Variants in DECR1 observed in about 807,000 individuals in gnomAD.
DECR1 encodes the protein 2,4-dienoyl-CoA reductase [(3E)-enoyl-CoA-producing], mitochondrial.
Under a neutral mutation model 38.8 loss-of-function variants are expected in DECR1, and 44 were observed. The observed-to-expected ratio is 1.13, with a 90% CI of 0.89 to 1.46. The LOEUF (loss-of-function observed/expected upper bound fraction) is 1.46, where lower values mean the gene tolerates loss of function less well. Among genes scored for constraint, DECR1 ranks in the 40% most tolerant of loss-of-function variants. The probability of loss-of-function intolerance (pLI) is 0.00; values close to 1 mark genes in which losing one functional copy is unlikely to be tolerated. For missense variants in DECR1, 428 were observed against 405.5 expected (o/e 1.06, Z -0.48); for synonymous variants, 148 against 135.2 (o/e 1.09, Z -0.66).
At chr8:90,044,751 T>C (rs1396247011) in intron 7 of DECR1, 98 bp from the exon 8 acceptor site, 8 of 1,291,780 alleles carry the variant, frequency 6.2e-6, no homozygotes. Context: ...GGTTTTAAGC[T>C]GCATGGCAGC....
chr8:90,046,026 G>A (rs879084179), intron 8 of DECR1, among the ~76,000 whole-genome samples: 45 of 152,090 alleles, frequency 3.0e-4, no homozygotes, highest in Non-Finnish European at 5.0e-4. Context: ...CCAAAACCCC[G>A]TTTGTATGTC....
chr8:90,020,862 T>A (rs772924622), intron 4 of DECR1, 47 bp from the exon 5 acceptor site: 23 of 1,452,922 alleles, frequency 1.6e-5, no homozygotes, highest in Middle Eastern at 2.1e-4. Context: ...AGGGAAAATG[T>A]TTTTCCTCAT....
chr8:90,049,490 A>G (rs995244100), intron 8 of DECR1, among the ~76,000 whole-genome samples: 9 of 152,222 alleles, frequency 5.9e-5, no homozygotes, highest in Admixed American at 3.3e-4. Context: ...GTACCTCTTC[A>G]AGGAGAACTA....
chr8:90,011,424 G>C (rs1336755452), intron 1 of DECR1, among the ~76,000 whole-genome samples: 2 of 152,004 alleles, frequency 1.3e-5, no homozygotes, highest in South Asian at 2.1e-4. Flanking sequence ...AATCTCTTTG[G>C]CTATTTTGAG....
At chr8:90,021,144 A>C in intron 5 of DECR1, 88 bp downstream of exon 5, 2 of 1,054,544 alleles carry the variant, frequency 1.9e-6, no homozygotes, top group Non-Finnish European at 2.6e-6. Flanking sequence ...AAAGTCAATG[A>C]GACAGTCTAC....
In DECR1 at chr8:90,044,803, T is replaced by A. The variant is rs199519330; in HGVS notation, c.739-46T>A. 4.0e-4 allele frequency: 628 copies of A among 1,570,136 alleles called. 4 individuals are homozygous for A. Among genetic ancestry groups the A allele is most frequent in the Non-Finnish European group, 8.0e-5 (92 of 1,157,068 alleles). ...ATTTTTTCTTGAGTAGGAAAGGAATTGATTGAAAAACCCGACACAACCTAA... is the reference window on the plus strand; with the variant it reads ...ATTTTTTCTTGAGTAGGAAAGGAATAGATTGAAAAACCCGACACAACCTAA... On this transcript the variant is annotated intron_variant, in intron 7 of 9. Transcript: ENST00000220764.
chr8:90,036,067 C>T (rs1813610542), intron 5 of DECR1, among the ~76,000 whole-genome samples: 2 of 152,094 alleles, frequency 1.3e-5, no homozygotes, highest in East Asian at 1.9e-4. Context: ...TTTGCCTGGC[C>T]TCAATGGAAT....
At chr8:90,039,952 G>A (rs1813713906) in intron 6 of DECR1, among the ~76,000 whole-genome samples, 1 of 152,132 alleles carries the variant, frequency 6.6e-6, no homozygotes, top group South Asian at 2.1e-4. Flanking sequence ...ATTGTTCTTA[G>A]CATCTTAACA....
At position 90,051,757 on chromosome 8, in the gene DECR1, A is replaced by G. The variant is rs773131144; in HGVS notation, c.948+18A>G. Reference sequence around the variant, plus strand: ...TGAGAAAGGTAATGCTTTTGTGTGTATAATGTAATATCAGCAGCTAGGATA... The same window carrying G: ...TGAGAAAGGTAATGCTTTTGTGTGTGTAATGTAATATCAGCAGCTAGGATA... On this transcript the variant is annotated intron_variant, in intron 9 of 9. Transcript: ENST00000220764. 11 of 1,612,812 alleles carry G rather than the reference A, an allele frequency of 6.8e-6. No homozygotes were observed. In the South Asian group the frequency reaches 9.9e-5, roughly 14 times the overall value.
chr8:90,046,955 A>T (rs1443314982), intron 8 of DECR1, among the ~76,000 whole-genome samples: 1 of 152,206 alleles, frequency 6.6e-6, no homozygotes, highest in African/African-American at 2.4e-5. Flanking sequence ...GTGAAGGAGA[A>T]ATAAAATACT....
chr8:90,028,900 A>G (rs1249433541), intron 5 of DECR1, among the ~76,000 whole-genome samples: 1 of 152,106 alleles, frequency 6.6e-6, no homozygotes, highest in Non-Finnish European at 1.5e-5. Flanking sequence ...TCCCATTTAT[A>G]GACATGGGTG....
intron 2 of DECR1, 109 bp from the exon 3 acceptor site, chr8:90,018,800 A>G (rs1813073329): frequency 1.1e-6 from 1 of 876,080 alleles, no homozygotes; most frequent in Admixed American, 2.2e-5. Context: ...TATAAATAAC[A>G]TCTATACTTT....
At chr8:90,028,397 T>C (rs1447218800) in intron 5 of DECR1, among the ~76,000 whole-genome samples, 1 of 152,160 alleles carries the variant, frequency 6.6e-6, no homozygotes, top group Non-Finnish European at 1.5e-5. Context: ...TTTTTTTGCT[T>C]TTCTTGCATG....
intron 9 of DECR1, 45 bp from the exon 10 acceptor site, chr8:90,051,793 A>G: frequency 6.2e-7 from 1 of 1,613,090 alleles, no homozygotes; most frequent in Non-Finnish European, 8.5e-7. Flanking sequence ...CTAAGCTTTA[A>G]AAACATGTAA....
intron 1 of DECR1, 123 bp downstream of exon 1, chr8:90,001,684 C>G: frequency 1.2e-6 from 1 of 853,610 alleles, no homozygotes; most frequent in Non-Finnish European, 1.8e-6. Context: ...AGAGAGAGGA[C>G]AGGGCGTCCC....
At chr8:90,035,935 T>C (rs1329462904) in intron 5 of DECR1, among the ~76,000 whole-genome samples, 1 of 152,116 alleles carries the variant, frequency 6.6e-6, no homozygotes, top group Non-Finnish European at 1.5e-5. Context: ...TAAGGCATTT[T>C]TTTTTCTGAG....
intron 8 of DECR1, 148 bp from the exon 9 acceptor site, chr8:90,051,529 G>T (rs954222458): frequency 1.6e-6 from 1 of 612,960 alleles, no homozygotes; most frequent in Non-Finnish European, 2.9e-6. Flanking sequence ...ATCAATTTAG[G>T]TTTAATCATG....
intron 2 of DECR1, chr8:90,018,643 C>T (rs745502138): frequency 1.1e-4 from 36 of 330,554 alleles, no homozygotes; most frequent in Middle Eastern, 1.9e-3. Flanking sequence ...CTTTGTAAAC[C>T]TGGCTTATCA....
At chr8:90,002,250 T>TC (rs1247350017) in intron 1 of DECR1, among the ~76,000 whole-genome samples, 4 of 152,086 alleles carry the variant, frequency 2.6e-5, no homozygotes, top group African/African-American at 9.7e-5. Context: ...GTGAGGAAAG[T>TC]CCATCTATGT....
Sources: gnomAD v4.1 joint callset for allele counts (sites outside exome capture counted in the v4.1 genomes callset) on GRCh38, gnomAD v4.1.1 for gene constraint, MANE v1.5 for transcripts, NCBI Gene and HGNC (gene_info 2026-07-23, HGNC 2026-07-21) for gene names.